Variants in PCDHGA1 observed in about 807,000 individuals in gnomAD.
PCDHGA1 encodes protocadherin gamma-A1.
Under a neutral mutation model 58.0 loss-of-function variants are expected in PCDHGA1, and 32 were observed. That is an observed-to-expected ratio of 0.55 (90% CI 0.42 to 0.74). The LOEUF (loss-of-function observed/expected upper bound fraction) is 0.74, where lower values mean the gene tolerates loss of function less well. PCDHGA1 is among the 30% of genes least tolerant of loss of function. The pLI is 0.00. For missense variants in PCDHGA1, 1,205 were observed against 1,182.3 expected (o/e 1.02, Z -0.28); for synonymous variants, 498 against 501.1 (o/e 0.99, Z 0.08).
At chr5:141,464,035 C>T (rs564886798) in intron 1 of PCDHGA1, among the ~76,000 whole-genome samples, 1 of 152,066 alleles carries the variant, frequency 6.6e-6, no homozygotes, top group African/African-American at 2.4e-5. Context: ...GAGGCCAAGG[C>T]GGGTGGATCA....
chr5:141,394,633 G>T, intron 1 of PCDHGA1: 2 of 1,613,390 alleles, frequency 1.2e-6, no homozygotes, highest in Non-Finnish European at 1.7e-6. Context: ...CTGTCCTACC[G>T]CCTGCTCAAG....
At chr5:141,373,954 T>C (rs1439763136) in intron 1 of PCDHGA1, 3 of 850,698 alleles carry the variant, frequency 3.5e-6, no homozygotes, top group East Asian at 5.9e-5. Context: ...GCAGAAATTC[T>C]GACCTGAAAC....
In PCDHGA1 at chr5:141,493,511, T is replaced by G. The variant is rs1203329648; in HGVS notation, c.2422-1296T>G. Among the ~76,000 whole-genome samples the G allele has an allele frequency of 6.6e-6, 1 of 152,094 alleles. No individual in the cohort carries two copies. Reference sequence around the variant, plus strand: ...TCTGTGGCTCCTCATTTCTGAGCAGTCCCCGCAGCGCAAACTTGGCCAGTT... The same window carrying G: ...TCTGTGGCTCCTCATTTCTGAGCAGGCCCCGCAGCGCAAACTTGGCCAGTT... On this transcript the variant is annotated intron_variant, in intron 1 of 3. Coordinates refer to ENST00000517417, the MANE Select transcript of PCDHGA1 (RefSeq NM_018912.3). This position sits in a 1 kb window ranked among gnomAD's most constrained non-coding sequence, Gnocchi z 4.3.
Position 141,355,398 on chromosome 5 carries a change from C to A in PCDHGA1, c.2421+22293C>A, listed in dbSNP as rs768527060. 4.3e-6 allele frequency: 7 copies of A among 1,613,956 alleles called. No individual in the cohort carries two copies. In the East Asian group the frequency reaches 8.9e-5, roughly 21 times the overall value. ...AGCTGGCGGAGCGCGGAGTCCGCAT[C>A]GTCTCCAGAGGTAGGACGCAGCTTT... On this transcript the variant is annotated intron_variant, in intron 1 of 3. Transcript: ENST00000517417.
At chr5:141,339,246 G>A (rs757510956) in intron 1 of PCDHGA1, 1 of 1,614,174 alleles carries the variant, frequency 6.2e-7, no homozygotes, top group Non-Finnish European at 8.5e-7. Flanking sequence ...AGGATAGACC[G>A]GGAGGAGCTC....
intron 1 of PCDHGA1, among the ~76,000 whole-genome samples, chr5:141,488,238 C>T (rs374846692): frequency 5.3e-5 from 8 of 152,036 alleles, no homozygotes; most frequent in Non-Finnish European, 1.0e-4. Flanking sequence ...GAACTAGATG[C>T]GGTAAATTGG....
intron 1 of PCDHGA1, chr5:141,338,689 G>A (rs1435068157): frequency 8.6e-6 from 4 of 462,624 alleles, no homozygotes; most frequent in Non-Finnish European, 1.3e-5. Context: ...TTCCTGAGCA[G>A]GTGCAGAAAT....
Position 141,331,129 on chromosome 5 carries a change from G to C in PCDHGA1, c.445G>C (p.Gly149Arg), listed in dbSNP as rs1756342257. The C allele has an allele frequency of 1.2e-6, 2 of 1,614,162 alleles. No individual in the cohort carries two copies. Among genetic ancestry groups the C allele is most frequent in the East Asian group, 4.5e-5 (2 of 44,884 alleles). Reference sequence around the variant, plus strand: ...TAAAATGAATGAAATAACGACTCCAGGTACCAGAGTCTCATTGCCTTTTGG... The same window carrying C: ...TAAAATGAATGAAATAACGACTCCACGTACCAGAGTCTCATTGCCTTTTGG... ...EFKMNEITTP[G>R]TRVSLPFGQD... Residue 149 changes from glycine (G) to arginine (R), a missense_variant, in exon 1 of 4, where the codon GGT becomes CGT. Physicochemically the swap from Gly to Arg is moderately radical, Grantham distance 125. Transcript: ENST00000517417.
At chr5:141,387,533 C>A (rs2090979640) in intron 1 of PCDHGA1, among the ~76,000 whole-genome samples, 1 of 152,192 alleles carries the variant, frequency 6.6e-6, no homozygotes, top group African/African-American at 2.4e-5. Flanking sequence ...GACGTATCCA[C>A]GTAGTTTTTG....
intron 1 of PCDHGA1, chr5:141,371,329 G>A: frequency 6.2e-7 from 1 of 1,613,968 alleles, no homozygotes; most frequent in Non-Finnish European, 8.5e-7. Flanking sequence ...TTTGAAGAGA[G>A]AGATAGCTAC....
intron 1 of PCDHGA1, chr5:141,345,625 T>C: frequency 1.2e-6 from 2 of 1,614,184 alleles, no homozygotes; most frequent in South Asian, 1.1e-5. Flanking sequence ...TTAAAGCTAC[T>C]GGTGACAGCC....
At chr5:141,428,097 C>T (rs2097109296) in intron 1 of PCDHGA1, 2 of 1,608,758 alleles carry the variant, frequency 1.2e-6, no homozygotes, top group African/African-American at 1.3e-5. Flanking sequence ...GCTGTCCTAC[C>T]ACGTGCTGCA....
intron 1 of PCDHGA1, chr5:141,409,879 A>G (rs1175297210): frequency 1.9e-6 from 3 of 1,612,734 alleles, no homozygotes; most frequent in African/African-American, 2.7e-5. Flanking sequence ...ATGACAACGC[A>G]CCGCGGGTGC....
chr5:141,374,092 T>G, intron 1 of PCDHGA1: 2 of 1,537,780 alleles, frequency 1.3e-6, no homozygotes. Flanking sequence ...TAATGGCGCC[T>G]CCGCAGAGGC....
At position 141,461,820 on chromosome 5, in the gene PCDHGA1, AT is replaced by A. The variant is rs1458631685; in HGVS notation, c.2422-32978del. Among the ~76,000 whole-genome samples the A allele has an allele frequency of 8.1e-5, 12 of 147,918 alleles. 1 individual carries two copies. In the South Asian group the frequency reaches 1.3e-3, roughly 16 times the overall value. On this transcript the variant is annotated intron_variant, in intron 1 of 3. Transcript: ENST00000517417. ...AGGTGCCCACCACCACACCCAGCTAATTTTTTTTTCTTTTTTTTTTGAGACA... is the reference window on the plus strand; with the variant it reads ...AGGTGCCCACCACCACACCCAGCTAATTTTTTTTCTTTTTTTTTTGAGACA...
At chr5:141,423,100 G>A in intron 1 of PCDHGA1, 1 of 1,613,944 alleles carries the variant, frequency 6.2e-7, no homozygotes, top group Non-Finnish European at 8.5e-7. Context: ...GGAGCACACG[G>A]GCGAGGTGCG....
chr5:141,444,035 T>C (rs928920813), intron 1 of PCDHGA1, among the ~76,000 whole-genome samples: 1 of 151,694 alleles, frequency 6.6e-6, no homozygotes, highest in Non-Finnish European at 1.5e-5. Context: ...ATTCAGTAAA[T>C]CAGATAATTT....
intron 1 of PCDHGA1, chr5:141,418,768 T>C (rs1216316680): frequency 6.2e-7 from 1 of 1,613,712 alleles, no homozygotes; most frequent in Non-Finnish European, 8.5e-7. Context: ...ACATTCTAAC[T>C]CAGCAGCCTT....
At chr5:141,345,384 A>G in intron 1 of PCDHGA1, 2 of 1,613,884 alleles carry the variant, frequency 1.2e-6, no homozygotes, top group Non-Finnish European at 1.7e-6. Context: ...CAACCCACCC[A>G]CCTTCCCTCA....
Sources: gnomAD v4.1 joint callset for allele counts (sites outside exome capture counted in the v4.1 genomes callset) on GRCh38, gnomAD v4.1.1 for gene constraint, Gnocchi (gnomAD v3.1) non-coding constraint, MANE v1.5 for transcripts, NCBI Gene and HGNC (gene_info 2026-07-23, HGNC 2026-07-21) for gene names.